Variants in ANK2 observed in about 807,000 individuals in gnomAD.
The protein encoded by ANK2 is ankyrin-2.
Under a neutral mutation model 360.5 loss-of-function variants are expected in ANK2, and 83 were observed. The ratio of observed to expected loss-of-function variants is 0.23; its 90% CI spans 0.19 to 0.28. The LOEUF (loss-of-function observed/expected upper bound fraction) is 0.28. ANK2 is among the 10% of genes least tolerant of loss of function. ANK2 has a pLI of 1.00. For missense variants in ANK2, 4,201 were observed against 4,795.7 expected (o/e 0.88, Z 3.66); for synonymous variants, 1,740 against 1,759.5 (o/e 0.99, Z 0.28).
intron 2 of ANK2, among the ~76,000 whole-genome samples, chr4:112,996,184 A>G (rs1021180308): frequency 1.3e-5 from 2 of 152,200 alleles, no homozygotes; most frequent in African/African-American, 4.8e-5. Context: ...CATAAAATGA[A>G]TCTGTGTTGT....
intron 13 of ANK2, among the ~76,000 whole-genome samples, chr4:113,263,972 C>G (rs1160251776): frequency 1.3e-5 from 2 of 151,890 alleles, no homozygotes; most frequent in African/African-American, 4.8e-5. Flanking sequence ...ACACCTAAAG[C>G]CACCCTTTCC....
Position 113,258,046 on chromosome 4 carries a change from A to G in ANK2, c.1189-4A>G. On this transcript the variant is annotated splice_region_variant and splice_polypyrimidine_tract_variant and intron_variant, in intron 11 of 45. Transcript: ENST00000357077. ...TTCAACTAACTTGATTGTCTTTTGC[A>G]CAGAATGGTTTTACTCCACTGCACA... 6.2e-7 allele frequency: 1 copy of G among 1,612,936 alleles called. No homozygotes were observed. The highest frequency in any genetic ancestry group is 1.1e-5 in the South Asian group (1 of 91,060).
chr4:112,990,446 C>T (rs895315785), intron 2 of ANK2, among the ~76,000 whole-genome samples: 1 of 151,960 alleles, frequency 6.6e-6, no homozygotes, highest in African/African-American at 2.4e-5. Flanking sequence ...TAAACCCAGG[C>T]ACTTCTTTCC....
At chr4:113,044,778 A>T (rs1183646583), upstream of ANK2, among the ~76,000 whole-genome samples, 2 of 152,014 alleles carry the variant, frequency 1.3e-5, no homozygotes, top group Non-Finnish European at 2.9e-5. Flanking sequence ...TTCTCCTCTT[A>T]TAAGGACACC....
At chr4:112,893,314 C>G (rs189771596) in intron 1 of ANK2, among the ~76,000 whole-genome samples, 10 of 151,600 alleles carry the variant, frequency 6.6e-5, no homozygotes, top group Admixed American at 4.6e-4. Flanking sequence ...GCCACCACAC[C>G]TGGTTAATTT....
intron 2 of ANK2, among the ~76,000 whole-genome samples, chr4:113,185,210 G>A (rs935852545): frequency 1.3e-5 from 2 of 152,088 alleles, no homozygotes; most frequent in African/African-American, 4.8e-5. Flanking sequence ...TAATCCTTTG[G>A]GTGTATACCC....
chr4:113,209,059 A>G (rs1325560559), intron 4 of ANK2, among the ~76,000 whole-genome samples: 3 of 151,980 alleles, frequency 2.0e-5, no homozygotes, highest in Non-Finnish European at 4.4e-5. Flanking sequence ...AGGAATACAA[A>G]TGGATTAACA....
chr4:112,940,107 G>T, intron 2 of ANK2, among the ~76,000 whole-genome samples: 1 of 152,122 alleles, frequency 6.6e-6, no homozygotes, highest in East Asian at 1.9e-4. Context: ...AGTTTTACTA[G>T]GTCATAAACT....
intron 1 of ANK2, among the ~76,000 whole-genome samples, chr4:112,885,089 G>A (rs2077867924): frequency 6.6e-6 from 1 of 152,164 alleles, no homozygotes; most frequent in Non-Finnish European, 1.5e-5. Context: ...AAGTTTTAAA[G>A]CATTTTTATG....
intron 1 of ANK2, among the ~76,000 whole-genome samples, chr4:113,150,813 T>G (rs1404861354): frequency 6.6e-6 from 1 of 152,158 alleles, no homozygotes; most frequent in Non-Finnish European, 1.5e-5. Flanking sequence ...CCCCCAAAAT[T>G]TAGATGAGGC....
intron 1 of ANK2, among the ~76,000 whole-genome samples, chr4:113,154,696 C>G (rs764939412): frequency 1.1e-4 from 16 of 152,296 alleles, no homozygotes; most frequent in Admixed American, 3.3e-4. Context: ...TTCTGTAAGT[C>G]TACATGTTCT....
At chr4:112,841,897 T>C (rs2062167983) in intron 1 of ANK2, among the ~76,000 whole-genome samples, 1 of 152,226 alleles carries the variant, frequency 6.6e-6, no homozygotes. Context: ...TTTATTAATT[T>C]AAAGTAATTA....
rs550187893 is a variant in ANK2 at position 113,228,470 on chromosome 4, A to G, written c.385-3691A>G. Among the ~76,000 whole-genome samples the G allele has an allele frequency of 1.6e-3, 244 of 152,342 alleles. 1 individual carries two copies. Among genetic ancestry groups the G allele is most frequent in the African/African-American group, 5.6e-3 (235 of 41,596 alleles). ...CCATTCCTGAGTTTCTTCACTTATA[A>G]TAATGGTCTCCAATTCCATCTAGGT... On this transcript the variant is annotated intron_variant, in intron 4 of 45. Coordinates refer to ENST00000357077, the MANE Select transcript of ANK2 (RefSeq NM_001148.6).
chr4:113,263,782 T>C (rs2054376256), intron 13 of ANK2, among the ~76,000 whole-genome samples: 1 of 152,268 alleles, frequency 6.6e-6, no homozygotes, highest in Non-Finnish European at 1.5e-5. Context: ...TAATAATTTT[T>C]ATTCCAATAT....
chr4:113,360,357 CA>C (rs1298422822), intron 38 of ANK2, among the ~76,000 whole-genome samples: 4 of 152,174 alleles, frequency 2.6e-5, no homozygotes, highest in African/African-American at 4.8e-5. Context: ...AGCTCATGAT[CA>C]ACATCTCTTG....
intron 9 of ANK2, among the ~76,000 whole-genome samples, chr4:113,243,369 C>T (rs915378814): frequency 1.1e-4 from 17 of 152,268 alleles, no homozygotes; most frequent in Middle Eastern, 6.8e-3. Flanking sequence ...GGCTAGCAAA[C>T]ACTTTTGTTT....
intron 1 of ANK2, among the ~76,000 whole-genome samples, chr4:113,162,479 C>T (rs1395977057): frequency 6.6e-6 from 1 of 152,134 alleles, no homozygotes; most frequent in Non-Finnish European, 1.5e-5. Flanking sequence ...TTATAGTTTT[C>T]TCTATACTGT....
At chr4:113,213,127 C>T (rs368903093) in intron 4 of ANK2, among the ~76,000 whole-genome samples, 4 of 152,264 alleles carry the variant, frequency 2.6e-5, no homozygotes, top group African/African-American at 9.6e-5. Context: ...AAATAGAAGT[C>T]CAACTAACAA....
intron 2 of ANK2, among the ~76,000 whole-genome samples, chr4:112,920,752 C>T (rs1306105417): frequency 6.6e-6 from 1 of 152,162 alleles, no homozygotes; most frequent in African/African-American, 2.4e-5. Context: ...CAAGGATGCT[C>T]TGTTCTATTC....
Sources: gnomAD v4.1 joint callset for allele counts (sites outside exome capture counted in the v4.1 genomes callset) on GRCh38, gnomAD v4.1.1 for gene constraint, MANE v1.5 for transcripts, NCBI Gene and HGNC (gene_info 2026-07-23, HGNC 2026-07-21) for gene names.